The following SUN3 variants were observed in gnomAD, a reference collection of about 807,000 sequenced individuals.
SUN3 encodes SUN domain-containing protein 3.
Under a neutral mutation model 48.2 loss-of-function variants are expected in SUN3, and 36 were observed. The observed-to-expected ratio is 0.75, with a 90% CI of 0.57 to 0.99. The LOEUF is 0.99. Among genes scored for constraint, SUN3 ranks in the 50% least tolerant of loss-of-function variants. SUN3 has a pLI of 0.00. For missense variants in SUN3, 419 were observed against 433.1 expected, an observed-to-expected ratio of 0.97 and a Z score of 0.29; for synonymous variants, 148 against 147.9, an observed-to-expected ratio of 1.00 and a Z score of 0.00.
At chr7:47,993,328 C>T (rs965203059) in intron 8 of SUN3, among the ~76,000 whole-genome samples, 1 of 152,140 alleles carries the variant, frequency 6.6e-6, no homozygotes, top group Admixed American at 6.5e-5. Context: ...AAAACAAAAA[C>T]TCATGTCCAC....
intron 3 of SUN3, 151 bp from the exon 4 acceptor site, chr7:48,009,226 G>T: frequency 1.5e-6 from 1 of 650,362 alleles, no homozygotes. Flanking sequence ...TGAGAGGCCC[G>T]CCTCTTTCCT....
intron 2 of SUN3, among the ~76,000 whole-genome samples, chr7:48,017,805 G>A (rs1014132524): frequency 6.6e-6 from 1 of 152,088 alleles, no homozygotes; most frequent in East Asian, 1.9e-4. Flanking sequence ...TCATCTAGTG[G>A]TTCCCTGAGG....
At chr7:48,005,342 A>G (rs1212056225) in intron 6 of SUN3, among the ~76,000 whole-genome samples, 1 of 152,206 alleles carries the variant, frequency 6.6e-6, no homozygotes, top group Admixed American at 6.5e-5. Flanking sequence ...TCTCCAGTTC[A>G]TGCAAGCTGG....
chr7:48,035,425 C>T, the SUN3 span: 2 of 669,926 alleles, frequency 3.0e-6, no homozygotes, highest in African/African-American at 3.6e-5. The surrounding 1 kb of genome is among the most constrained non-coding windows in gnomAD (Gnocchi z 4.0). Context: ...ATTGGCCCAC[C>T]GCTCCCCCTC....
intron 6 of SUN3, among the ~76,000 whole-genome samples, chr7:47,996,784 C>T (rs892430483): frequency 6.6e-6 from 1 of 151,388 alleles, no homozygotes; most frequent in Admixed American, 6.6e-5. Flanking sequence ...TCTGATTATC[C>T]TTACTTTTTC....
At chr7:47,991,965 C>T (rs925186405) in intron 8 of SUN3, among the ~76,000 whole-genome samples, 1 of 152,166 alleles carries the variant, frequency 6.6e-6, no homozygotes, top group East Asian at 1.9e-4. Flanking sequence ...CCAGAACCGC[C>T]CACAAGAGCA....
chr7:48,024,607 G>T (rs1319661785), intron 2 of SUN3, among the ~76,000 whole-genome samples: 2 of 152,226 alleles, frequency 1.3e-5, no homozygotes, highest in East Asian at 3.9e-4. Flanking sequence ...AAAGAAAAGA[G>T]GTTTATTTGG....
chr7:48,032,910 G>C (rs1170530196), upstream of SUN3, among the ~76,000 whole-genome samples: 2 of 152,212 alleles, frequency 1.3e-5, no homozygotes, highest in Non-Finnish European at 2.9e-5. Context: ...AACCAACAGA[G>C]ACCAGGCAGG....
chr7:47,991,073 A>G (rs1482471973), intron 8 of SUN3: 1 of 455,058 alleles, frequency 2.2e-6, no homozygotes, highest in South Asian at 1.6e-5. Context: ...ATAAAAAACA[A>G]ATAAACAACA....
Position 48,020,035 on chromosome 7 carries a change from T to C in SUN3, c.185-2670A>G, listed in dbSNP as rs112075973. Among the ~76,000 whole-genome samples the C allele has an allele frequency of 3.2e-3, 432 of 135,804 alleles. 6 individuals are homozygous for C. The highest frequency in any genetic ancestry group is 0.011 in the African/African-American group (401 of 37,522). 89.1% of individuals were successfully genotyped at this position (135,804 alleles called of 152,430 possible). A position where few individuals can be genotyped will look rare whatever the true frequency, so the allele number is the denominator to read the frequency against. On this transcript the variant is annotated intron_variant, in intron 2 of 9. Transcript: ENST00000297325. ...GAAAACTACAGGCCAATATCTCTAATGAATATTGATGCAAAAGCCCTTAAC... is the reference window on the plus strand; with the variant it reads ...GAAAACTACAGGCCAATATCTCTAACGAATATTGATGCAAAAGCCCTTAAC...
At chr7:47,992,513 C>A (rs531674420) in intron 8 of SUN3, among the ~76,000 whole-genome samples, 1 of 152,000 alleles carries the variant, frequency 6.6e-6, no homozygotes, top group African/African-American at 2.4e-5. Context: ...TTGATATGAT[C>A]TTCCAGAAGG....
chr7:48,024,201 A>G (rs1790074279), intron 2 of SUN3, among the ~76,000 whole-genome samples: 1 of 152,208 alleles, frequency 6.6e-6, no homozygotes, highest in African/African-American at 2.4e-5. Flanking sequence ...TGTATCAAAG[A>G]AAGTGCAAAG....
chr7:47,997,627 G>A (rs1174971536), intron 6 of SUN3, among the ~76,000 whole-genome samples: 3 of 151,984 alleles, frequency 2.0e-5, no homozygotes, highest in African/African-American at 7.3e-5. Context: ...TATGATTCAG[G>A]GTTTTGTATT....
chr7:48,017,319 T>A lies in SUN3; in HGVS notation c.231A>T (p.Lys77Asn). 1.2e-6 allele frequency: 2 copies of A among 1,610,494 alleles called. No individual in the cohort carries two copies. The highest frequency in any genetic ancestry group is 1.7e-6 in the Non-Finnish European group (2 of 1,177,914). The change falls in exon 3 of 10, where the codon AAA (lysine) becomes AAT (asparagine). Residue 77 changes from lysine to asparagine, a missense_variant. Physicochemically the swap from Lys to Asn is moderately conservative, Grantham distance 94. Transcript: ENST00000297325. ...QWLKETDVPQ[K>N]SRQLYAIIAE... is the part of the protein sequence containing the mutation. ...CAATTATGGCATATAATTGTCTGGA[T>A]TTCTGAGGAACATCTGTTTCTTTAA... is the stretch of plus-strand genomic sequence containing the variant.
At chr7:47,992,772 G>C (rs1033207608) in intron 8 of SUN3, among the ~76,000 whole-genome samples, 8 of 152,272 alleles carry the variant, frequency 5.3e-5, no homozygotes, top group South Asian at 4.1e-4. Context: ...TATCTGATGT[G>C]AATCAACATA....
chr7:47,996,583 C>A (rs544873137), intron 6 of SUN3, among the ~76,000 whole-genome samples: 35 of 152,234 alleles, frequency 2.3e-4, no homozygotes, highest in African/African-American at 8.4e-4. Flanking sequence ...AGCAATTATG[C>A]AGATTCATTG....
At chr7:47,994,611 C>T (rs1385067356) in intron 7 of SUN3, 129 bp from the exon 8 acceptor site, 1 of 910,922 alleles carries the variant, frequency 1.1e-6, no homozygotes, top group African/African-American at 1.7e-5. Context: ...CCCAAGGCAC[C>T]TCTAGTGTGG....
At chr7:47,999,681 C>T (rs750973863) in intron 6 of SUN3, among the ~76,000 whole-genome samples, 4 of 152,156 alleles carry the variant, frequency 2.6e-5, no homozygotes, top group Non-Finnish European at 4.4e-5. Context: ...GGATTACAGG[C>T]GTGCGCCACC....
upstream of SUN3, chr7:48,029,248 G>GC (rs913409414): frequency 5.9e-5 from 18 of 302,878 alleles, no homozygotes; most frequent in African/African-American, 1.8e-4. Flanking sequence ...TAATACAAAG[G>GC]CCCCCCCATG....
Sources: gnomAD v4.1 joint callset for allele counts (sites outside exome capture counted in the v4.1 genomes callset) on GRCh38, gnomAD v4.1.1 for gene constraint, Gnocchi (gnomAD v3.1) non-coding constraint, MANE v1.5 for transcripts, NCBI Gene and HGNC (gene_info 2026-07-23, HGNC 2026-07-21) for gene names.